The following LHX8 variants were observed in gnomAD, a reference collection of about 807,000 sequenced individuals.
The protein encoded by LHX8 is LIM homeobox 8, also known as LIM/homeobox protein Lhx8.
LHX8 carries 12 observed loss-of-function variants against 40.3 expected under a neutral mutation model. The ratio of observed to expected loss-of-function variants is 0.30; its 90% CI spans 0.19 to 0.48. LHX8 has a LOEUF of 0.48. Ranked by LOEUF, LHX8 falls within the 20% of genes least tolerant of loss-of-function variation. The pLI is 0.99. For synonymous variants in LHX8, 179 were observed against 162.0 expected (o/e 1.10, Z -0.80); for missense variants, 344 against 433.7 (o/e 0.79, Z 1.84).
upstream of LHX8, chr1:75,130,554 C>T (rs375399829): frequency 4.5e-5 from 34 of 759,734 alleles, no homozygotes; most frequent in African/African-American, 5.1e-4. Flanking sequence ...CAGTGGGTCC[C>T]AGACGGAGGC....
chr1:75,179,057 T>C, the LHX8 span, among the ~76,000 whole-genome samples: 1 of 152,174 alleles, frequency 6.6e-6, no homozygotes, highest in Non-Finnish European at 1.5e-5. Flanking sequence ...GTGATTTCTG[T>C]TTTTTCACAT....
At chr1:75,151,545 G>T (rs891641165) in intron 7 of LHX8, among the ~76,000 whole-genome samples, 1 of 152,094 alleles carries the variant, frequency 6.6e-6, no homozygotes, top group South Asian at 2.1e-4. Flanking sequence ...TCCCTGCAAC[G>T]GAATGTAGAA....
the LHX8 span, among the ~76,000 whole-genome samples, chr1:75,172,247 A>G: frequency 2.6e-5 from 4 of 152,322 alleles, no homozygotes; most frequent in African/African-American, 9.6e-5. Context: ...TGAGACCACT[A>G]TACCAGTCCT....
At chr1:75,162,374 G>A (rs1329139696), downstream of LHX8, among the ~76,000 whole-genome samples, 1 of 152,056 alleles carries the variant, frequency 6.6e-6, no homozygotes, top group Non-Finnish European at 1.5e-5. Flanking sequence ...CAGGCATGAA[G>A]TGATGAGGTC....
In LHX8 at chr1:75,160,835, T is replaced by C. The variant is rs1240652926; in HGVS notation, c.981T>C (p.Thr327=). 3.7e-6 allele frequency: 6 copies of C among 1,612,940 alleles called. No homozygotes were observed. The highest frequency in any genetic ancestry group is 3.3e-5 in the South Asian group (3 of 91,070). ...ATTTTGTAGCTCATTCACCAACAAC[T>C]CTTGGACTCCAGCCCTTGTTACCCC... ...HSYMDAHSPT[T]LGLQPLLPHS... Residue 327 remains threonine (T), a synonymous_variant, in exon 9 of 9, where the codon ACT becomes ACC. Coordinates refer to ENST00000356261, the MANE Select transcript of LHX8 (RefSeq NM_001256114.2).
At chr1:75,187,149 T>C in the LHX8 span, among the ~76,000 whole-genome samples, 2 of 152,178 alleles carry the variant, frequency 1.3e-5, no homozygotes, top group East Asian at 3.9e-4. Context: ...GCAACTTCAG[T>C]TGACATGAAG....
Position 75,148,614 on chromosome 1 carries a change from A to T in LHX8, c.712A>T (p.Asn238Tyr). 1 of 1,614,056 alleles carries T rather than the reference A, an allele frequency of 6.2e-7. No individual in the cohort carries two copies. Among genetic ancestry groups the T allele is most frequent in the Non-Finnish European group, 8.5e-7 (1 of 1,179,948 alleles). ...TATGCAAGCACAATTTGCTCAGGAC[A>T]ACAACCCAGATGCACAGACACTCCA... ...QVMQAQFAQD[N>Y]NPDAQTLQKL... The change falls in exon 7 of 9, where the codon AAC becomes TAC. Residue 238 changes from asparagine to tyrosine, a missense_variant. Asn to Tyr is a moderately radical substitution (Grantham distance 143, BLOSUM62 -2). Around this residue, in one of 3 missense-constraint regions of LHX8, gnomAD observed 147 missense variants for 250.8 expected, o/e 0.59. Transcript: ENST00000356261.
the LHX8 span, among the ~76,000 whole-genome samples, chr1:75,177,150 A>G: frequency 6.6e-6 from 1 of 152,002 alleles, no homozygotes; most frequent in Non-Finnish European, 1.5e-5. Flanking sequence ...TTGTCTTGGC[A>G]ATGTGGGCTC....
At chr1:75,130,799 T>A, upstream of LHX8, 5 of 1,478,898 alleles carry the variant, frequency 3.4e-6, no homozygotes, top group Non-Finnish European at 3.8e-6. Context: ...ATATTTATAA[T>A]GGTTACACGT....
At chr1:75,175,020 C>A in the LHX8 span, among the ~76,000 whole-genome samples, 1 of 152,154 alleles carries the variant, frequency 6.6e-6, no homozygotes, top group South Asian at 2.1e-4. Flanking sequence ...GCTTTTGCGT[C>A]CTCATAGCTT....
At chr1:75,191,236 C>T in the LHX8 span, among the ~76,000 whole-genome samples, 1 of 151,828 alleles carries the variant, frequency 6.6e-6, no homozygotes, top group Non-Finnish European at 1.5e-5. Context: ...GAGCAAAAAA[C>T]TTGGAATTTG....
chr1:75,187,778 C>T, the LHX8 span, among the ~76,000 whole-genome samples: 1 of 151,900 alleles, frequency 6.6e-6, no homozygotes, highest in African/African-American at 2.4e-5. Flanking sequence ...AGTGGGGTCA[C>T]CTGAAGGATA....
rs543312903 is a variant in LHX8 at position 75,137,339 on chromosome 1, C to A, written c.237+78C>A. 161 of 1,416,458 alleles carry A rather than the reference C, an allele frequency of 1.1e-4. No individual in the cohort carries two copies. The African/African-American group carries it at 2.1e-3, about 18-fold the overall frequency. The allele number at this position is 1,416,458 out of a possible 1,614,324, so 87.7% of individuals were successfully genotyped here. On this transcript the variant is annotated intron_variant, in intron 3 of 8. Transcript: ENST00000356261. ...GCTCTGGGAAAAGAGTAATGTTCCT[C>A]CCACCAACCTTTCCGTTCAAGTTCT...
At chr1:75,139,619 A>G (rs1648256181) in intron 3 of LHX8, among the ~76,000 whole-genome samples, 1 of 152,154 alleles carries the variant, frequency 6.6e-6, no homozygotes, top group Admixed American at 6.5e-5. Flanking sequence ...CATTGTTAAT[A>G]TTATTTATTC....
chr1:75,143,096 T>A (rs889040920), intron 4 of LHX8, 22 bp from the exon 5 acceptor site: 1 of 1,595,652 alleles, frequency 6.3e-7, no homozygotes, highest in African/African-American at 1.3e-5. Flanking sequence ...ATATTTACCT[T>A]CCACACCTCT....
chr1:75,178,144 A>G, the LHX8 span, among the ~76,000 whole-genome samples: 152,287 of 152,288 alleles, frequency 1, 76,143 homozygotes, highest in Middle Eastern at 1. Flanking sequence ...CTCTTTTTTT[A>G]TTGTGTCTCT....
upstream of LHX8, chr1:75,131,137 G>T (rs544932901): frequency 7.8e-5 from 25 of 320,158 alleles, no homozygotes; most frequent in African/African-American, 4.9e-4. Context: ...CGCCTCCTTT[G>T]ACCACGTTTT....
At chr1:75,180,776 G>T in the LHX8 span, among the ~76,000 whole-genome samples, 1 of 152,126 alleles carries the variant, frequency 6.6e-6, no homozygotes, top group Non-Finnish European at 1.5e-5. Context: ...GGGCACTCTG[G>T]TTTTTAGAAT....
At chr1:75,136,269 A>G (rs1648123684) in intron 1 of LHX8, among the ~76,000 whole-genome samples, 1 of 151,778 alleles carries the variant, frequency 6.6e-6, no homozygotes, top group Admixed American at 6.6e-5. Context: ...ACGTCTGGAA[A>G]GAAAGAGCTT....
Sources: gnomAD v4.1 joint callset for allele counts (sites outside exome capture counted in the v4.1 genomes callset) on GRCh38, gnomAD v4.1.1 for gene constraint, gnomAD v4.1.1 regional missense constraint, MANE v1.5 for transcripts, NCBI Gene and HGNC (gene_info 2026-07-23, HGNC 2026-07-21) for gene names.